WBP1L: variants seen among roughly 807,000 people sequenced by gnomAD.
The protein encoded by WBP1L is WW domain binding protein 1-like.
WBP1L carries 17 observed loss-of-function variants against 33.7 expected under a neutral mutation model. That is an observed-to-expected ratio of 0.50 (90% CI 0.34 to 0.76). WBP1L has a LOEUF of 0.76. Ranked by LOEUF, WBP1L falls within the 30% of genes least tolerant of loss-of-function variation. The probability of loss-of-function intolerance (pLI) is 0.01; values close to 1 mark genes in which losing one functional copy is unlikely to be tolerated. For synonymous variants in WBP1L, 173 were observed against 190.8 expected, an observed-to-expected ratio of 0.91 and a Z score of 0.77; for missense variants, 389 against 469.4, an observed-to-expected ratio of 0.83 and a Z score of 1.58.
chr10:102,800,178 G>A (rs556623469), intron 2 of WBP1L, among the ~76,000 whole-genome samples: 1 of 152,218 alleles, frequency 6.6e-6, no homozygotes, highest in African/African-American at 2.4e-5. Flanking sequence ...ATAACCACAG[G>A]GTTCAAATTC....
chr10:102,786,179 G>A (rs891249853), intron 1 of WBP1L, among the ~76,000 whole-genome samples: 3 of 152,166 alleles, frequency 2.0e-5, no homozygotes, highest in Admixed American at 6.5e-5. Flanking sequence ...GGATGGGAGC[G>A]TAGCTAACAT....
intron 1 of WBP1L, among the ~76,000 whole-genome samples, chr10:102,758,807 G>A (rs1054942226): frequency 3.9e-5 from 6 of 152,178 alleles, no homozygotes; most frequent in African/African-American, 7.2e-5. Flanking sequence ...TGGTTGACAA[G>A]GTGAAGCAGG....
intron 1 of WBP1L, among the ~76,000 whole-genome samples, chr10:102,761,374 A>C (rs1329368859): frequency 6.6e-6 from 1 of 151,732 alleles, no homozygotes; most frequent in East Asian, 1.9e-4. Context: ...TCCTGACCTC[A>C]GGCAATCTGC....
intron 1 of WBP1L, among the ~76,000 whole-genome samples, chr10:102,770,662 T>C (rs957054951): frequency 2.6e-5 from 4 of 152,144 alleles, no homozygotes; most frequent in Non-Finnish European, 5.9e-5. Context: ...TCCCAGTCTT[T>C]GACCTCATAG....
intron 1 of WBP1L, among the ~76,000 whole-genome samples, chr10:102,775,925 A>G (rs1590176749): frequency 6.6e-6 from 1 of 151,338 alleles, no homozygotes; most frequent in Admixed American, 6.6e-5. Context: ...TGATTTATGT[A>G]CCCCCCAGCC....
At chr10:102,745,875 T>A (rs957967256) in intron 1 of WBP1L, among the ~76,000 whole-genome samples, 4 of 152,304 alleles carry the variant, frequency 2.6e-5, no homozygotes, top group South Asian at 2.1e-4. Flanking sequence ...AGAAATATAT[T>A]TTTTTTGTTT....
At chr10:102,795,658 C>T (rs776950628) in intron 1 of WBP1L, among the ~76,000 whole-genome samples, 3 of 152,228 alleles carry the variant, frequency 2.0e-5, no homozygotes, top group Non-Finnish European at 4.4e-5. Flanking sequence ...TTTCCTGAGA[C>T]AGAAGTGTCA....
chr10:102,763,576 T>C (rs1843070668), intron 1 of WBP1L, among the ~76,000 whole-genome samples: 1 of 152,112 alleles, frequency 6.6e-6, no homozygotes, highest in Admixed American at 6.6e-5. Context: ...CAATTTAGTT[T>C]AAAGGAAAGT....
intron 1 of WBP1L, among the ~76,000 whole-genome samples, chr10:102,772,053 C>G (rs890135509): frequency 9.3e-5 from 14 of 150,324 alleles, no homozygotes; most frequent in Non-Finnish European, 1.9e-4. Flanking sequence ...CTCTGCCTCC[C>G]GGGTTCACTC....
In WBP1L at chr10:102,788,806, G is replaced by T. The variant is rs1233824399; in HGVS notation, c.91-9187G>T. Among the ~76,000 whole-genome samples the T allele has an allele frequency of 3.9e-5, 6 of 152,202 alleles. No individual in the cohort carries two copies. The South Asian group carries it at 6.2e-4, about 16-fold the overall frequency. On this transcript the variant is annotated intron_variant, in intron 1 of 3. Coordinates refer to ENST00000448841, the MANE Select transcript of WBP1L (RefSeq NM_001083913.2). Reference sequence around the variant, plus strand: ...GAGCAGCCACAACCTGGCTGGGGGGGATAAATAAAGGCTCAAGGTAAAGAA... The same window carrying T: ...GAGCAGCCACAACCTGGCTGGGGGGTATAAATAAAGGCTCAAGGTAAAGAA...
chr10:102,787,450 T>A (rs928251276), intron 1 of WBP1L, among the ~76,000 whole-genome samples: 5 of 152,040 alleles, frequency 3.3e-5, no homozygotes, highest in African/African-American at 1.2e-4. Flanking sequence ...TAGCTGGGTG[T>A]GGTGGCGTAT....
At chr10:102,797,899 G>A in intron 1 of WBP1L, 94 bp from the exon 2 acceptor site, 1 of 1,137,410 alleles carries the variant, frequency 8.8e-7, no homozygotes, top group South Asian at 1.3e-5. Flanking sequence ...CTGTTTTGGG[G>A]GCTGGTGAAT....
chr10:102,808,810 A>T (rs1286259344), intron 2 of WBP1L, among the ~76,000 whole-genome samples: 1 of 152,178 alleles, frequency 6.6e-6, no homozygotes, highest in Non-Finnish European at 1.5e-5. Context: ...TTCTTTTGTC[A>T]GGGGGCCCCT....
chr10:102,784,421 CTTTTTT>C (rs35898015), intron 1 of WBP1L, among the ~76,000 whole-genome samples: 2 of 97,824 alleles, frequency 2.0e-5, no homozygotes, highest in Non-Finnish European at 2.1e-5. Flanking sequence ...GTTCTTGTTT[CTTTTTT>C]TTTTTTTTTT....
intron 1 of WBP1L, among the ~76,000 whole-genome samples, chr10:102,749,441 T>C (rs2134023916): frequency 1.3e-5 from 2 of 151,676 alleles, no homozygotes; most frequent in East Asian, 3.9e-4. Context: ...TGGCCCTATA[T>C]TTAATTTTTT....
chr10:102,789,378 T>C (rs1843464176), intron 1 of WBP1L, among the ~76,000 whole-genome samples: 1 of 152,204 alleles, frequency 6.6e-6, no homozygotes, highest in Admixed American at 6.5e-5. Flanking sequence ...ACTAGTCTTC[T>C]TTCTCTTCCT....
At chr10:102,779,256 C>T (rs1843304990) in intron 1 of WBP1L, among the ~76,000 whole-genome samples, 1 of 151,412 alleles carries the variant, frequency 6.6e-6, no homozygotes, top group Admixed American at 6.6e-5. Context: ...AGAGGCCCCA[C>T]CATTGCACTC....
intron 1 of WBP1L, among the ~76,000 whole-genome samples, chr10:102,776,696 G>A (rs939025656): frequency 6.6e-6 from 1 of 152,164 alleles, no homozygotes; most frequent in Non-Finnish European, 1.5e-5. Flanking sequence ...GAAACTTCAC[G>A]GAGAAACAGC....
intron 1 of WBP1L, among the ~76,000 whole-genome samples, chr10:102,781,776 CT>C (rs1419388430): frequency 6.6e-6 from 1 of 151,538 alleles, no homozygotes; most frequent in African/African-American, 2.4e-5. Context: ...TTGTGAAAGT[CT>C]TGTGACAGCT....
Sources: gnomAD v4.1 joint callset for allele counts (sites outside exome capture counted in the v4.1 genomes callset) on GRCh38, gnomAD v4.1.1 for gene constraint, MANE v1.5 for transcripts, NCBI Gene and HGNC (gene_info 2026-07-23, HGNC 2026-07-21) for gene names.